Variants in OSBPL10 observed in about 807,000 individuals in gnomAD.
OSBPL10 encodes the protein oxysterol binding protein like 10, also known as oxysterol-binding protein-related protein 10.
A neutral mutation model predicts 81.7 loss-of-function variants in OSBPL10; 49 were observed. The observed-to-expected ratio is 0.60, with a 90% CI of 0.48 to 0.76. The LOEUF is 0.76. OSBPL10 is among the 30% of genes least tolerant of loss of function. The probability of loss-of-function intolerance (pLI) is 0.00; values close to 1 mark genes in which losing one functional copy is unlikely to be tolerated. For missense variants in OSBPL10, 923 were observed against 987.8 expected, an observed-to-expected ratio of 0.93 and a Z score of 0.88; for synonymous variants, 419 against 383.6, an observed-to-expected ratio of 1.09 and a Z score of -1.08.
chr3:32,046,417 T>C (rs935881783), intron 2 of OSBPL10: 1 of 152,234 alleles, frequency 6.6e-6, no homozygotes, highest in African/African-American at 2.4e-5. Flanking sequence ...CCTTTCTTTG[T>C]CAAATCAAAA....
chr3:31,759,998 G>A (rs554516802), intron 4 of OSBPL10, among the ~76,000 whole-genome samples: 7 of 152,216 alleles, frequency 4.6e-5, no homozygotes, highest in Non-Finnish European at 8.8e-5. Context: ...CTGACCTCAA[G>A]TGCGCTGCCC....
At chr3:31,669,051 T>TA (rs1700264427) in intron 9 of OSBPL10, among the ~76,000 whole-genome samples, 1 of 152,150 alleles carries the variant, frequency 6.6e-6, no homozygotes, top group African/African-American at 2.4e-5. Flanking sequence ...AGTCTATAGA[T>TA]TAGTTCATAG....
At chr3:31,984,438 G>A (rs760757783), upstream of OSBPL10, among the ~76,000 whole-genome samples, 12 of 151,866 alleles carry the variant, frequency 7.9e-5, no homozygotes, top group African/African-American at 2.4e-4. Flanking sequence ...ATAGAGAGTC[G>A]AAGTTTGTCT....
intron 6 of OSBPL10, among the ~76,000 whole-genome samples, chr3:31,730,497 T>C (rs1559437762): frequency 6.6e-6 from 1 of 152,244 alleles, no homozygotes. Context: ...TTTCAGATGG[T>C]GTTTTTTGTT....
At chr3:31,820,221 A>G (rs1699946549) in intron 4 of OSBPL10, among the ~76,000 whole-genome samples, 2 of 152,194 alleles carry the variant, frequency 1.3e-5, no homozygotes, top group South Asian at 2.1e-4. Context: ...ATGAAATATT[A>G]TTATTCATGT....
At chr3:31,686,900 A>G (rs941431760) in intron 7 of OSBPL10, among the ~76,000 whole-genome samples, 4 of 152,172 alleles carry the variant, frequency 2.6e-5, no homozygotes, top group African/African-American at 9.7e-5. Context: ...TAGCTGTCCA[A>G]TAGCAGAGTA....
chr3:31,906,067 T>C (rs1234986072), intron 1 of OSBPL10, among the ~76,000 whole-genome samples: 3 of 152,134 alleles, frequency 2.0e-5, no homozygotes, highest in Non-Finnish European at 4.4e-5. Flanking sequence ...AACAACACCA[T>C]AGTCAGTGTC....
intron 4 of OSBPL10, among the ~76,000 whole-genome samples, chr3:31,815,665 G>C (rs1699818112): frequency 6.6e-6 from 1 of 152,120 alleles, no homozygotes; most frequent in South Asian, 2.1e-4. Flanking sequence ...TTCTAAATGA[G>C]GAAGAATCTC....
chr3:31,670,765 A>G, intron 9 of OSBPL10, 32 bp downstream of exon 9: 1 of 1,588,964 alleles, frequency 6.3e-7, no homozygotes, highest in Non-Finnish European at 8.6e-7. Context: ...TCTTGTTAAG[A>G]CAAAGCCAGA....
At chr3:31,823,279 CG>C (rs1485634082) in intron 4 of OSBPL10, among the ~76,000 whole-genome samples, 3 of 152,216 alleles carry the variant, frequency 2.0e-5, no homozygotes, top group Non-Finnish European at 4.4e-5. Context: ...AGCTAGAGAA[CG>C]AGTCCTTAAT....
At chr3:32,047,901 G>A (rs2125429518) in intron 1 of OSBPL10, among the ~76,000 whole-genome samples, 1 of 152,158 alleles carries the variant, frequency 6.6e-6, no homozygotes, top group East Asian at 1.9e-4. Flanking sequence ...TCCTGACCTT[G>A]TGATCCACCC....
chr3:32,047,485 C>A (rs1479935560), intron 1 of OSBPL10, among the ~76,000 whole-genome samples: 1 of 152,112 alleles, frequency 6.6e-6, no homozygotes, highest in East Asian at 1.9e-4. Context: ...TATAGTGGAA[C>A]TTCCTGATGT....
At chr3:31,691,947 T>C (rs2125568458) in intron 7 of OSBPL10, among the ~76,000 whole-genome samples, 1 of 152,306 alleles carries the variant, frequency 6.6e-6, no homozygotes, top group South Asian at 2.1e-4. Context: ...AAAGGTTTCT[T>C]GACTTAGCCA....
At chr3:32,017,525 A>G (rs1026039906) in intron 2 of OSBPL10, among the ~76,000 whole-genome samples, 1 of 151,920 alleles carries the variant, frequency 6.6e-6, no homozygotes, top group African/African-American at 2.4e-5. Flanking sequence ...AAAAAAATTC[A>G]TTTTCTCTTA....
At chr3:31,879,958 T>C in intron 1 of OSBPL10, 128 bp from the exon 2 acceptor site, 2 of 986,176 alleles carry the variant, frequency 2.0e-6, no homozygotes, top group South Asian at 1.8e-5. Flanking sequence ...AAACCAAAAG[T>C]CCCTCCCAGA....
At chr3:31,983,704 A>G (rs1225862923), upstream of OSBPL10, among the ~76,000 whole-genome samples, 1 of 152,216 alleles carries the variant, frequency 6.6e-6, no homozygotes, top group Non-Finnish European at 1.5e-5. Flanking sequence ...GTTATGGATT[A>G]CAAGTCACTT....
chr3:31,663,311 C>T (rs1700111137), intron 11 of OSBPL10: 1 of 985,436 alleles, frequency 1.0e-6, no homozygotes, highest in Non-Finnish European at 1.2e-6. Flanking sequence ...TCTGTTTTAT[C>T]ACTGGAAGAT....
intron 1 of OSBPL10, among the ~76,000 whole-genome samples, chr3:31,933,653 T>C (rs554528088): frequency 6.6e-6 from 1 of 152,100 alleles, no homozygotes; most frequent in South Asian, 2.1e-4. Context: ...CAAGCAATCT[T>C]CCCACCTCAG....
intron 4 of OSBPL10, among the ~76,000 whole-genome samples, chr3:31,816,518 G>A (rs754745932): frequency 2.0e-5 from 3 of 152,158 alleles, no homozygotes; most frequent in Admixed American, 1.3e-4. Flanking sequence ...TGCTTGTGAT[G>A]GGTAATTTCA....
Sources: gnomAD v4.1 joint callset for allele counts (sites outside exome capture counted in the v4.1 genomes callset) on GRCh38, gnomAD v4.1.1 for gene constraint, MANE v1.5 for transcripts, NCBI Gene and HGNC (gene_info 2026-07-23, HGNC 2026-07-21) for gene names.